The following ATP8B4 variants were observed in gnomAD, a reference collection of about 807,000 sequenced individuals.
The protein encoded by ATP8B4 is ATPase phospholipid transporting 8B4 (putative).
In ATP8B4, 133 loss-of-function variants were observed where a neutral mutation model predicts 145.6. The observed-to-expected ratio is 0.91, with a 90% CI of 0.79 to 1.05. The LOEUF (loss-of-function observed/expected upper bound fraction) is 1.05, where lower values mean the gene tolerates loss of function less well. Ranked by LOEUF, ATP8B4 falls within the 50% of genes least tolerant of loss-of-function variation. ATP8B4 has a pLI of 0.00. For missense variants in ATP8B4, 1,458 were observed against 1,425.2 expected (o/e 1.02, Z -0.37); for synonymous variants, 507 against 492.9 (o/e 1.03, Z -0.38).
intron 6 of ATP8B4, among the ~76,000 whole-genome samples, chr15:50,031,084 G>A (rs563497430): frequency 6.6e-6 from 1 of 152,152 alleles, no homozygotes; most frequent in African/African-American, 2.4e-5. Flanking sequence ...TTGTTTTGAA[G>A]CACTATTACT....
intron 14 of ATP8B4, among the ~76,000 whole-genome samples, chr15:49,949,212 A>G (rs1711154085): frequency 6.6e-6 from 1 of 152,120 alleles, no homozygotes; most frequent in African/African-American, 2.4e-5. Context: ...AAGAATGACA[A>G]TGGTAGTTTG....
intron 14 of ATP8B4, among the ~76,000 whole-genome samples, chr15:49,948,758 C>T (rs1217527730): frequency 2.6e-5 from 4 of 152,180 alleles, no homozygotes; most frequent in Non-Finnish European, 4.4e-5. Flanking sequence ...AGCCTGTTCA[C>T]TCTGATGATA....
intron 3 of ATP8B4, among the ~76,000 whole-genome samples, chr15:50,068,781 T>C (rs2053548735): frequency 6.6e-6 from 1 of 152,218 alleles, no homozygotes; most frequent in African/African-American, 2.4e-5. Context: ...CCTGGGCCTA[T>C]GTGACAGAGA....
At chr15:50,065,271 T>C (rs916296787) in intron 3 of ATP8B4, among the ~76,000 whole-genome samples, 4 of 152,180 alleles carry the variant, frequency 2.6e-5, no homozygotes, top group African/African-American at 7.2e-5. Context: ...AGGTGTAAAA[T>C]GTGACAGTAA....
chr15:49,956,489 T>C (rs1382662898), intron 14 of ATP8B4, among the ~76,000 whole-genome samples: 2 of 152,132 alleles, frequency 1.3e-5, no homozygotes, highest in Non-Finnish European at 1.5e-5. Flanking sequence ...GAGAAGAAAC[T>C]GGCCCAAAGA....
intron 27 of ATP8B4, among the ~76,000 whole-genome samples, chr15:49,861,424 GTC>G (rs780733393): frequency 0.042 from 5,725 of 136,686 alleles, 156 homozygotes; most frequent in African/African-American, 0.08. Flanking sequence ...GTGTGTGTGT[GTC>G]TGTCTGTCTG....
intron 23 of ATP8B4, among the ~76,000 whole-genome samples, chr15:49,887,243 C>G (rs529423231): frequency 8.5e-5 from 13 of 152,054 alleles, no homozygotes; most frequent in South Asian, 8.3e-4. Flanking sequence ...AATTTTAAGG[C>G]CCCCTTCTGG....
At position 49,975,484 on chromosome 15, in the gene ATP8B4, G is replaced by A. The variant is rs144422165; in HGVS notation, c.1035-2694C>T. On this transcript the variant is annotated intron_variant, in intron 12 of 27. Transcript: ENST00000284509. Reference sequence around the variant, plus strand: ...ATGCTATGTAAATAGTTGTTATACTGTATTGTTTAGGGAATAATGACAAGA... The same window carrying A: ...ATGCTATGTAAATAGTTGTTATACTATATTGTTTAGGGAATAATGACAAGA... Among the ~76,000 whole-genome samples, 564 of 152,100 alleles carry A rather than the reference G, an allele frequency of 3.7e-3. 1 individual carries two copies. Among genetic ancestry groups the A allele is most frequent in the Middle Eastern group, 6.8e-3 (2 of 294 alleles).
intron 1 of ATP8B4, among the ~76,000 whole-genome samples, chr15:50,170,735 T>C (rs953036311): frequency 6.6e-6 from 1 of 152,162 alleles, no homozygotes; most frequent in Non-Finnish European, 1.5e-5. Context: ...GTGAATGGCC[T>C]AAATGCTCCA....
Position 49,897,355 on chromosome 15 carries a change from A to G in ATP8B4, c.2634T>C (p.Tyr878=), listed in dbSNP as rs1209153641. The change falls in exon 23 of 28, where the codon TAT becomes TAC. Residue 878 remains tyrosine (Y), a synonymous_variant. Transcript: ENST00000284509. ...RMCKFLCYFF[Y]KNFAFTLVHF... is the part of the protein sequence containing the mutation. ...GCACAAGTGTAAATGCAAAATTCTT[A>G]TAGAAGAAATAGCATAAGAATTTGC... The G allele has an allele frequency of 6.2e-7, 1 of 1,613,920 alleles. No homozygotes were observed. The highest frequency in any genetic ancestry group is 1.7e-4 in the Middle Eastern group (1 of 6,058).
At position 49,864,123 on chromosome 15, in the gene ATP8B4, C is replaced by T. The variant is rs189648277; in HGVS notation, c.3167-1748G>A. On this transcript the variant is annotated intron_variant, in intron 26 of 27. Coordinates refer to ENST00000284509, the MANE Select transcript of ATP8B4 (RefSeq NM_024837.4). ...CTTACTCATGACCAACATGTCTCTA[C>T]ATAGTTGGAATCTTTTGGTAAACAA... Among the ~76,000 whole-genome samples, 4 of 152,336 alleles carry T rather than the reference C, an allele frequency of 2.6e-5. No individual in the cohort carries two copies. In the East Asian group the frequency reaches 7.7e-4, roughly 29 times the overall value.
chr15:49,881,128 C>G (rs1245106970), intron 23 of ATP8B4, among the ~76,000 whole-genome samples: 1 of 149,396 alleles, frequency 6.7e-6, no homozygotes, highest in African/African-American at 2.6e-5. Context: ...AACAAACAAA[C>G]AAACAAAAAA....
chr15:50,043,166 C>T (rs2051438336), intron 5 of ATP8B4, among the ~76,000 whole-genome samples: 1 of 152,142 alleles, frequency 6.6e-6, no homozygotes, highest in African/African-American at 2.4e-5. Context: ...TTGGCATAGA[C>T]AGTTATTGAG....
chr15:49,905,053 T>C (rs919730937), intron 20 of ATP8B4, among the ~76,000 whole-genome samples: 1 of 152,242 alleles, frequency 6.6e-6, no homozygotes, highest in South Asian at 2.1e-4. Context: ...GTAGTAATTT[T>C]CTGAGAAACC....
At chr15:50,080,652 C>G (rs1232462895) in intron 2 of ATP8B4, among the ~76,000 whole-genome samples, 1 of 151,964 alleles carries the variant, frequency 6.6e-6, no homozygotes, top group East Asian at 1.9e-4. Context: ...AGGCTGGTCC[C>G]GAACTCCTGG....
At chr15:50,065,422 C>T (rs1449628194) in intron 3 of ATP8B4, among the ~76,000 whole-genome samples, 1 of 152,072 alleles carries the variant, frequency 6.6e-6, no homozygotes, top group African/African-American at 2.4e-5. Context: ...ACCATTTGGT[C>T]CAGTAAAGAA....
chr15:50,050,628 A>T (rs150519660), intron 3 of ATP8B4, among the ~76,000 whole-genome samples: 194 of 152,234 alleles, frequency 1.3e-3, no homozygotes, highest in African/African-American at 4.4e-3. Flanking sequence ...CATTAAAAAA[A>T]AAACAGGCTA....
intron 6 of ATP8B4, among the ~76,000 whole-genome samples, chr15:50,018,534 T>C (rs932963353): frequency 6.6e-6 from 1 of 152,210 alleles, no homozygotes; most frequent in Non-Finnish European, 1.5e-5. Context: ...ACCCGGAGTA[T>C]ATGGATATCT....
Position 49,979,610 on chromosome 15 carries a change from A to G in ATP8B4, c.1034+7T>C, listed in dbSNP as rs1350246940. 3.5e-6 allele frequency: 5 copies of G among 1,446,368 alleles called. No individual in the cohort carries two copies. Among genetic ancestry groups the G allele is most frequent in the Middle Eastern group, 1.8e-4 (1 of 5,440 alleles). The allele number at this position is 1,446,368 out of a possible 1,614,324, so 89.6% of individuals were successfully genotyped here. A position where few individuals can be genotyped will look rare whatever the true frequency, so the allele number is the denominator to read the frequency against. ...TTATTTCATTAAAATATAAACTCTC[A>G]TCTTACCTCACATATAAGGAAATGG... On this transcript the variant is annotated splice_region_variant and intron_variant, in intron 12 of 27. Transcript: ENST00000284509.
Sources: gnomAD v4.1 joint callset for allele counts (sites outside exome capture counted in the v4.1 genomes callset) on GRCh38, gnomAD v4.1.1 for gene constraint, MANE v1.5 for transcripts, NCBI Gene and HGNC (gene_info 2026-07-23, HGNC 2026-07-21) for gene names.